SLC38A10: variants seen among roughly 807,000 people sequenced by gnomAD.
The protein encoded by SLC38A10 is Sodium-coupled neutral amino acid transporter 10.
Under a neutral mutation model 81.0 loss-of-function variants are expected in SLC38A10, and 53 were observed. That is an observed-to-expected ratio of 0.65 (90% CI 0.53 to 0.82). The LOEUF (loss-of-function observed/expected upper bound fraction) is 0.82. Ranked by LOEUF, SLC38A10 falls within the 40% of genes least tolerant of loss-of-function variation. The probability of loss-of-function intolerance (pLI) is 0.00; values close to 1 mark genes in which losing one functional copy is unlikely to be tolerated. For synonymous variants in SLC38A10, 665 were observed against 655.3 expected, an observed-to-expected ratio of 1.01 and a Z score of -0.23; for missense variants, 1,471 against 1,545.0, an observed-to-expected ratio of 0.95 and a Z score of 0.80.
In SLC38A10 at chr17:81,247,041, G is replaced by C; in HGVS notation, c.2086C>G (p.Leu696Val). 1 of 1,592,186 alleles carries C rather than the reference G, an allele frequency of 6.3e-7. No homozygotes were observed. The highest frequency in any genetic ancestry group is 8.5e-7 in the Non-Finnish European group (1 of 1,172,186). The change falls in exon 15 of 16, where the codon CTG becomes GTG. Residue 696 changes from leucine to valine, a missense_variant. Coordinates refer to ENST00000374759, the MANE Select transcript of SLC38A10 (RefSeq NM_001037984.3). Reference sequence around the variant, plus strand: ...ACCTGAAGCAGGACGGCGTGGTCCAGCATCTCCGCCCTGCCAGCTTCTGGG... The same window carrying C: ...ACCTGAAGCAGGACGGCGTGGTCCACCATCTCCGCCCTGCCAGCTTCTGGG... ...QLEEAGRAEM[L>V]DHAVLLQVIK...
At position 81,272,471 on chromosome 17, in the gene SLC38A10, C is replaced by CT. The variant is rs1376888066; in HGVS notation, c.1024+44_1024+45insA. On this transcript the variant is annotated intron_variant, in intron 9 of 15. Coordinates refer to ENST00000374759, the MANE Select transcript of SLC38A10 (RefSeq NM_001037984.3). ...GTGCAGGTCTTGGTTGATGCCGAAG[C>CT]CCCGGGTCCCACTCCCCGGCAACAG... The CT allele has an allele frequency of 2.3e-6, 3 of 1,282,084 alleles. No homozygotes were observed. In the Admixed American group the frequency reaches 8.8e-5, roughly 38 times the overall value. The allele number at this position is 1,282,084 out of a possible 1,614,324, so 79.4% of individuals were successfully genotyped here. A position where few individuals can be genotyped will look rare whatever the true frequency, so the allele number is the denominator to read the frequency against.
At chr17:81,269,046 G>A (rs899941786) in intron 10 of SLC38A10, among the ~76,000 whole-genome samples, 7 of 152,156 alleles carry the variant, frequency 4.6e-5, no homozygotes, top group African/African-American at 7.2e-5. Context: ...TATTTAACAC[G>A]ATAAAAGACA....
In SLC38A10 at chr17:81,252,559, C is replaced by G; in HGVS notation, c.1581G>C (p.Ala527=). 1 of 1,613,456 alleles carries G rather than the reference C, an allele frequency of 6.2e-7. No homozygotes were observed. Among genetic ancestry groups the G allele is most frequent in the Non-Finnish European group, 8.5e-7 (1 of 1,180,032 alleles). ...PEENKPPSRH[A]GGKAPGVQGQ... is the part of the protein sequence containing the mutation. Reference sequence around the variant, plus strand: ...CCTGGACCCCTGGAGCCTTTCCGCCCGCGTGTCTGGATGGAGGTTTGTTCT... The same window carrying G: ...CCTGGACCCCTGGAGCCTTTCCGCCGGCGTGTCTGGATGGAGGTTTGTTCT... Residue 527 remains alanine (A), a synonymous_variant, in exon 13 of 16, where the codon GCG becomes GCC. Coordinates refer to ENST00000374759, the MANE Select transcript of SLC38A10 (RefSeq NM_001037984.3).
chr17:81,247,148 C>T (rs1004690014), intron 14 of SLC38A10, 87 bp from the exon 15 acceptor site: 47 of 1,377,884 alleles, frequency 3.4e-5, no homozygotes, highest in South Asian at 8.7e-5. Flanking sequence ...AGCAAGGCAA[C>T]GCACAGGTCA....
chr17:81,269,802 C>A (rs143177792), intron 10 of SLC38A10, among the ~76,000 whole-genome samples: 1 of 151,752 alleles, frequency 6.6e-6, no homozygotes, highest in African/African-American at 2.4e-5. Context: ...GTGACCAACA[C>A]GGAGAAACCC....
chr17:81,252,756 T>C, intron 12 of SLC38A10, 73 bp from the exon 13 acceptor site: 1 of 1,512,390 alleles, frequency 6.6e-7, no homozygotes, highest in Middle Eastern at 1.9e-4. Context: ...TAGAACTGGG[T>C]TCTTCCCTGG....
chr17:81,269,237 G>C (rs1467628245), intron 10 of SLC38A10, among the ~76,000 whole-genome samples: 1 of 152,194 alleles, frequency 6.6e-6, no homozygotes, highest in Non-Finnish European at 1.5e-5. Context: ...TAAGGGGCTG[G>C]GTGTAGTGGC....
intron 10 of SLC38A10, among the ~76,000 whole-genome samples, chr17:81,268,287 G>C (rs1470587432): frequency 6.6e-6 from 1 of 152,036 alleles, no homozygotes; most frequent in African/African-American, 2.4e-5. Context: ...GAACTTCTAC[G>C]ATTTCTCAAA....
intron 8 of SLC38A10, among the ~76,000 whole-genome samples, chr17:81,275,361 A>G (rs1463158551): frequency 6.6e-6 from 1 of 152,160 alleles, no homozygotes; most frequent in Non-Finnish European, 1.5e-5. Context: ...AATATGGCCT[A>G]CATCAAACTC....
Position 81,286,863 on chromosome 17 carries a change from G to T in SLC38A10, c.218-1968C>A, listed in dbSNP as rs906855077. On this transcript the variant is annotated intron_variant, in intron 2 of 15. Coordinates refer to ENST00000374759, the MANE Select transcript of SLC38A10 (RefSeq NM_001037984.3). The surrounding 1 kb of genome is among the most constrained non-coding windows in gnomAD (Gnocchi z 6.0). ...GGGGGCCAAACAGTCCCTGCTGCTG[G>T]GGGAGGCGGTTTCTAGCCCAGACCA... 2.6e-5 allele frequency among the ~76,000 whole-genome samples: 4 copies of T among 152,136 alleles called. No individual in the cohort carries two copies. The highest frequency in any genetic ancestry group is 9.7e-5 in the African/African-American group (4 of 41,428).
chr17:81,294,082 C>T (rs1020976156), intron 1 of SLC38A10, among the ~76,000 whole-genome samples: 4 of 152,182 alleles, frequency 2.6e-5, no homozygotes, highest in East Asian at 1.9e-4. Flanking sequence ...GGCGTGATCT[C>T]GGCTCACTGC....
chr17:81,282,584 C>A (rs111775073), intron 4 of SLC38A10, among the ~76,000 whole-genome samples: 28 of 152,360 alleles, frequency 1.8e-4, no homozygotes, highest in Middle Eastern at 3.4e-3. Flanking sequence ...CCAGCCAGAG[C>A]AGGACAGCAG....
intron 6 of SLC38A10, chr17:81,280,290 G>A (rs974124634): frequency 4.4e-5 from 21 of 478,464 alleles, no homozygotes; most frequent in African/African-American, 1.4e-4. Context: ...CTGGCGAAGC[G>A]CTCGACTCTG....
Position 81,251,528 on chromosome 17 carries a change from C to G in SLC38A10, c.2030G>C (p.Arg677Pro), listed in dbSNP as rs61740870. ...GCTGGCCGCCTGGTTTCCACCCGCT[C>G]GCTCCACGTCCCTCTGCTCGCGAGG... The part of the protein sequence containing the change: ...PEPREQRDVE[R>P]AGGNQAASQL... Residue 677 changes from arginine (R) to proline (P), a missense_variant, in exon 14 of 16, where the codon CGA (arginine) becomes CCA (proline). By Grantham distance (103) the Arg-to-Pro change is moderately radical. Transcript: ENST00000374759. The G allele has an allele frequency of 1.9e-6, 3 of 1,581,818 alleles. No individual in the cohort carries two copies. The highest frequency in any genetic ancestry group is 2.6e-6 in the Non-Finnish European group (3 of 1,167,982).
In SLC38A10 at chr17:81,272,612, A is replaced by T; in HGVS notation, c.928T>A (p.Phe310Ile). 6.4e-7 allele frequency: 1 copy of T among 1,551,812 alleles called. No homozygotes were observed. Among genetic ancestry groups the T allele is most frequent in the Non-Finnish European group, 8.7e-7 (1 of 1,155,040 alleles). ...GGGGGCATGTAGCCCCCTGCTGCAA[A>T]GGTGCCATCTTTTTGCTGTACAAAA... Reference protein sequence around the residue: ...LCEQQQKDGTFAAGGYMPPLR... With the variant: ...LCEQQQKDGTIAAGGYMPPLR... The change falls in exon 9 of 16, where the codon TTT becomes ATT. Residue 310 changes from phenylalanine to isoleucine, a missense_variant. Coordinates refer to ENST00000374759, the MANE Select transcript of SLC38A10 (RefSeq NM_001037984.3).
intron 14 of SLC38A10, 103 bp from the exon 15 acceptor site, chr17:81,247,164 A>G: frequency 8.0e-7 from 1 of 1,257,842 alleles, no homozygotes; most frequent in African/African-American, 1.5e-5. Context: ...GGTCACCTGC[A>G]GGGAGTGTGC....
In SLC38A10 at chr17:81,265,772, C is replaced by T. The variant is rs543197652; in HGVS notation, c.1131+5146G>A. Among the ~76,000 whole-genome samples the T allele has an allele frequency of 4.6e-5, 7 of 152,356 alleles. No individual in the cohort carries two copies. Among genetic ancestry groups the T allele is most frequent in the Admixed American group, 3.9e-4 (6 of 15,304 alleles). ...TACGGCCTTGCGGTGCTGACATCTC[C>T]GTACCTAAGGAAACAGGGCATGCTG... On this transcript the variant is annotated intron_variant, in intron 10 of 15. Coordinates refer to ENST00000374759, the MANE Select transcript of SLC38A10 (RefSeq NM_001037984.3). The surrounding 1 kb of genome is among the most constrained non-coding windows in gnomAD (Gnocchi z 4.2).
chr17:81,283,617 C>A lies in SLC38A10; in HGVS notation c.264-115G>T. Reference sequence around the variant, plus strand: ...GAATGACAGATGTGATTTCTTTTTTCTTTTTTTTTTTTTTGAAACAGAGTC... The same window carrying A: ...GAATGACAGATGTGATTTCTTTTTTATTTTTTTTTTTTTTGAAACAGAGTC... On this transcript the variant is annotated intron_variant, in intron 3 of 15. Transcript: ENST00000374759. The surrounding 1 kb of genome is among the most constrained non-coding windows in gnomAD (Gnocchi z 4.7). The A allele has an allele frequency of 1.9e-6, 1 of 517,512 alleles. No homozygotes were observed. Among genetic ancestry groups the A allele is most frequent in the Non-Finnish European group, 3.3e-6 (1 of 301,188 alleles). 32.1% of individuals were successfully genotyped at this position (517,512 alleles called of 1,614,324 possible).
rs533442494 is a variant in SLC38A10 at position 81,245,951 on chromosome 17, G to T, written c.2965C>A (p.Arg989Ser). The change falls in exon 16 of 16, where the codon CGC becomes AGC. Residue 989 changes from arginine (R) to serine (S), a missense_variant. Arg to Ser is a moderately radical substitution (Grantham distance 110). Transcript: ENST00000374759. ...GACACAGGCACATGGTCCCCCCCGC[G>T]GGCCTTTCTCATCTCCAGGTGACCG... The part of the protein sequence containing the change: ...HGGHLEMRKA[R>S]GGDHVPVSHE... The T allele has an allele frequency of 1.9e-6, 3 of 1,605,876 alleles. No individual in the cohort carries two copies. The South Asian group carries it at 3.3e-5, about 18-fold the overall frequency.
Sources: allele counts gnomAD v4.1 joint callset (sites outside exome capture counted in the v4.1 genomes callset), GRCh38; gene constraint gnomAD v4.1.1; non-coding constraint Gnocchi (gnomAD v3.1); transcripts MANE v1.5; gene names NCBI Gene and HGNC (gene_info 2026-07-23, HGNC 2026-07-21).